Variants in RFX4 observed in about 807,000 individuals in gnomAD.
The protein encoded by RFX4 is regulatory factor X4.
RFX4 carries 10 observed loss-of-function variants against 95.0 expected under a neutral mutation model. The observed-to-expected ratio is 0.11, with a 90% CI of 0.06 to 0.18. The LOEUF (loss-of-function observed/expected upper bound fraction) is 0.18, where lower values mean the gene tolerates loss of function less well. Among genes scored for constraint, RFX4 ranks in the 10% least tolerant of loss-of-function variants. The pLI is 1.00. For synonymous variants in RFX4, 321 were observed against 340.7 expected (o/e 0.94, Z 0.64); for missense variants, 640 against 922.0 (o/e 0.69, Z 3.96).
chr12:106,743,761 C>T (rs1302551926), intron 15 of RFX4, among the ~76,000 whole-genome samples: 1 of 152,132 alleles, frequency 6.6e-6, no homozygotes, highest in African/African-American at 2.4e-5. Flanking sequence ...CTTCTTCCCA[C>T]TGCTTGGAAA....
At chr12:106,732,325 T>G in intron 14 of RFX4, 76 bp downstream of exon 14, 6 of 1,564,822 alleles carry the variant, frequency 3.8e-6, no homozygotes, top group Non-Finnish European at 5.2e-6. Context: ...TTTATGTTTC[T>G]TTAACTCTGT....
intron 1 of RFX4, among the ~76,000 whole-genome samples, chr12:106,607,480 AAC>A (rs1240880285): frequency 1.3e-5 from 2 of 151,034 alleles, no homozygotes; most frequent in Non-Finnish European, 3.0e-5. Context: ...TGTGACTCAT[AAC>A]ACAACGTGGA....
At chr12:106,658,601 G>A (rs1311900530) in intron 4 of RFX4, among the ~76,000 whole-genome samples, 1 of 152,166 alleles carries the variant, frequency 6.6e-6, no homozygotes, top group East Asian at 1.9e-4. Context: ...CTCCTCCAGG[G>A]TTGGGGTTGG....
chr12:106,751,945 G>T (rs1389215980), intron 17 of RFX4, among the ~76,000 whole-genome samples: 59 of 142,184 alleles, frequency 4.1e-4, no homozygotes, highest in Admixed American at 4.0e-3. Flanking sequence ...AGTTTAATTA[G>T]ATCCCATTTG....
chr12:106,761,508 T>C lies in RFX4; in HGVS notation c.*39T>C, dbSNP rs752483725. ...CATCCATATTTAATATTAATAATAA[T>C]AATTAATAATAATAATAAACCCAAC... On this transcript the variant is annotated 3_prime_UTR_variant, in exon 18 of 18. Transcript: ENST00000392842. 10 of 1,275,158 alleles carry C rather than the reference T, an allele frequency of 7.8e-6. No individual in the cohort carries two copies. In the South Asian group the frequency reaches 2.7e-4, roughly 35 times the overall value. The allele number at this position is 1,275,158 out of a possible 1,614,324, so 79.0% of individuals were successfully genotyped here.
At chr12:106,653,863 T>C (rs910950012) in intron 3 of RFX4, among the ~76,000 whole-genome samples, 2 of 152,240 alleles carry the variant, frequency 1.3e-5, no homozygotes, top group African/African-American at 4.8e-5. Context: ...AGTTGGTCTG[T>C]GGTTCCATTC....
chr12:106,715,746 G>T (rs192832295), intron 11 of RFX4, among the ~76,000 whole-genome samples: 10 of 152,286 alleles, frequency 6.6e-5, no homozygotes, highest in Non-Finnish European at 1.2e-4. Context: ...AACACTGCTG[G>T]GTAAAGAGTG....
chr12:106,618,248 G>T (rs2040112677), intron 2 of RFX4, among the ~76,000 whole-genome samples: 2 of 151,856 alleles, frequency 1.3e-5, no homozygotes, highest in African/African-American at 2.4e-5. Context: ...ATATGTTATA[G>T]ATTAACAACA....
intron 4 of RFX4, among the ~76,000 whole-genome samples, chr12:106,661,972 A>T (rs1472219519): frequency 1.1e-4 from 16 of 151,614 alleles, no homozygotes; most frequent in Non-Finnish European, 1.5e-5. Context: ...TTACTGAAGG[A>T]TATTTTGGTT....
intron 17 of RFX4, among the ~76,000 whole-genome samples, chr12:106,751,756 T>A (rs1375599655): frequency 2.6e-5 from 4 of 152,226 alleles, no homozygotes; most frequent in Non-Finnish European, 5.9e-5. Flanking sequence ...TGTCTGTTCA[T>A]GTCCTTAGCC....
chr12:106,613,085 G>C (rs181816190), intron 2 of RFX4, among the ~76,000 whole-genome samples: 1 of 151,602 alleles, frequency 6.6e-6, no homozygotes, highest in Non-Finnish European at 1.5e-5. Context: ...TTGAGGTAAT[G>C]CTCTTCTGTT....
At chr12:106,608,913 C>T in intron 2 of RFX4, 30 bp downstream of exon 2, 1 of 1,591,722 alleles carries the variant, frequency 6.3e-7, no homozygotes, top group Middle Eastern at 1.7e-4. Context: ...TCTTCCATGA[C>T]ATCCCAGACA....
intron 7 of RFX4, among the ~76,000 whole-genome samples, chr12:106,691,806 G>C (rs1192104073): frequency 1.3e-5 from 2 of 152,208 alleles, no homozygotes; most frequent in African/African-American, 4.8e-5. Flanking sequence ...ATGAGTGGAT[G>C]AATGGATGAA....
intron 8 of RFX4, among the ~76,000 whole-genome samples, chr12:106,697,998 G>A (rs1050237164): frequency 6.6e-6 from 1 of 151,654 alleles, no homozygotes; most frequent in South Asian, 2.1e-4. Flanking sequence ...TTGAGACGGA[G>A]TTTTGCTCTT....
chr12:106,636,358 C>T (rs891235278), intron 2 of RFX4, among the ~76,000 whole-genome samples: 2 of 147,902 alleles, frequency 1.4e-5, no homozygotes, highest in Non-Finnish European at 3.0e-5. Flanking sequence ...CCATTGCACT[C>T]CAGCCTGGGT....
intron 15 of RFX4, among the ~76,000 whole-genome samples, chr12:106,746,058 G>A (rs906131118): frequency 6.6e-6 from 1 of 151,912 alleles, no homozygotes; most frequent in African/African-American, 2.4e-5. Context: ...GAGACCCTGT[G>A]TCTATAAAAA....
chr12:106,636,476 T>C (rs2040516088), intron 2 of RFX4, among the ~76,000 whole-genome samples: 2 of 151,982 alleles, frequency 1.3e-5, no homozygotes, highest in Admixed American at 1.3e-4. Flanking sequence ...TAATGTGTTA[T>C]AGAAGCACAG....
At chr12:106,639,226 C>A in intron 2 of RFX4, 106 bp from the exon 3 acceptor site, 3 of 896,614 alleles carry the variant, frequency 3.3e-6, no homozygotes, top group Non-Finnish European at 5.1e-6. Context: ...AAAGCATCAA[C>A]ATTTCAAAGA....
intron 4 of RFX4, among the ~76,000 whole-genome samples, chr12:106,678,895 A>T (rs1392177270): frequency 1.3e-5 from 2 of 152,186 alleles, no homozygotes; most frequent in African/African-American, 4.8e-5. Flanking sequence ...ACAGTTTCCT[A>T]TCATTAGACA....
Sources: gnomAD v4.1 joint callset for allele counts (sites outside exome capture counted in the v4.1 genomes callset) on GRCh38, gnomAD v4.1.1 for gene constraint, MANE v1.5 for transcripts, NCBI Gene and HGNC (gene_info 2026-07-23, HGNC 2026-07-21) for gene names.